BICD1: variants seen among roughly 807,000 people sequenced by gnomAD.
BICD1 encodes BICD cargo adaptor 1.
A neutral mutation model predicts 92.5 loss-of-function variants in BICD1; 35 were observed. The ratio of observed to expected loss-of-function variants is 0.38; its 90% confidence interval spans 0.29 to 0.50. BICD1 has a LOEUF of 0.50. BICD1 is among the 20% of genes least tolerant of loss of function. The pLI, the probability that BICD1 is intolerant of heterozygous loss-of-function variation, is 0.93. For missense variants in BICD1, 950 were observed against 1,189.8 expected (o/e 0.80, Z 2.97); for synonymous variants, 429 against 465.1 (o/e 0.92, Z 1.00).
At chr12:32,365,719 T>C (rs896283822) in intron 8 of BICD1, among the ~76,000 whole-genome samples, 1 of 152,198 alleles carries the variant, frequency 6.6e-6, no homozygotes, top group Non-Finnish European at 1.5e-5. Flanking sequence ...CAAATTAGTC[T>C]AAGACATTCC....
intron 2 of BICD1, among the ~76,000 whole-genome samples, chr12:32,251,991 T>TAC (rs1946535470): frequency 7.6e-6 from 1 of 131,414 alleles, no homozygotes; most frequent in African/African-American, 2.9e-5. Context: ...ATATATATAA[T>TAC]ATATTTATAA....
intron 9 of BICD1, among the ~76,000 whole-genome samples, chr12:32,368,855 C>G (rs1411164547): frequency 6.6e-6 from 1 of 152,042 alleles, no homozygotes; most frequent in African/African-American, 2.4e-5. Context: ...TTTGTGGTTA[C>G]AGTGAGTAAA....
chr12:32,335,295 C>T (rs1221318019), intron 6 of BICD1, among the ~76,000 whole-genome samples: 1 of 152,044 alleles, frequency 6.6e-6, no homozygotes, highest in Non-Finnish European at 1.5e-5. Flanking sequence ...GGAATACAGG[C>T]ACCTGCCACC....
chr12:32,269,809 C>A (rs901302794), intron 2 of BICD1, among the ~76,000 whole-genome samples: 1 of 152,052 alleles, frequency 6.6e-6, no homozygotes, highest in South Asian at 2.1e-4. Flanking sequence ...GGTAATATCT[C>A]GGGTCCCACA....
intron 2 of BICD1, among the ~76,000 whole-genome samples, chr12:32,290,058 ACT>A (rs1208974862): frequency 1.3e-5 from 2 of 152,104 alleles, no homozygotes; most frequent in African/African-American, 4.8e-5. Flanking sequence ...TGATGAAATG[ACT>A]CTGTTGGAGT....
chr12:32,188,852 C>T (rs1284549265), intron 1 of BICD1, among the ~76,000 whole-genome samples: 3 of 152,128 alleles, frequency 2.0e-5, no homozygotes, highest in East Asian at 3.9e-4. Context: ...CTCAGCCTCC[C>T]GAGTAGCTGG....
intron 2 of BICD1, among the ~76,000 whole-genome samples, chr12:32,228,647 C>G (rs147559542): frequency 7.9e-5 from 12 of 152,238 alleles, no homozygotes; most frequent in African/African-American, 2.9e-4. Flanking sequence ...GAAAAGTAGT[C>G]ATATTCTGAA....
At chr12:32,372,925 T>C (rs1384475487) in intron 9 of BICD1, among the ~76,000 whole-genome samples, 1 of 152,236 alleles carries the variant, frequency 6.6e-6, no homozygotes, top group African/African-American at 2.4e-5. Flanking sequence ...TTTTACAGGC[T>C]AATTCCATTG....
At position 32,379,311 on chromosome 12, in the gene BICD1, CTA is replaced by C. The variant is rs1206145321; in HGVS notation, c.*1686_*1687del. On this transcript the variant is annotated 3_prime_UTR_variant, in exon 10 of 10. Transcript: ENST00000652176. The stretch of plus-strand genomic sequence containing the variant: ...GCAGGAGCTTTCGTTAGTCATACGC[CTA>C]TTAAGTAGTGGTCGCTATTACCAAA... The C allele has an allele frequency of 6.6e-6, 1 of 152,094 alleles. No homozygotes were observed. Among genetic ancestry groups the C allele is most frequent in the East Asian group, 1.9e-4 (1 of 5,180 alleles). 9.4% of individuals were successfully genotyped at this position (152,094 alleles called of 1,614,324 possible). A position where few individuals can be genotyped will look rare whatever the true frequency, so the allele number is the denominator to read the frequency against.
chr12:32,283,060 AT>A (rs1030799592), intron 2 of BICD1, among the ~76,000 whole-genome samples: 38 of 152,296 alleles, frequency 2.5e-4, no homozygotes, highest in African/African-American at 8.2e-4. Flanking sequence ...GAAGGTGGGG[AT>A]AGAAGCCATA....
intron 2 of BICD1, among the ~76,000 whole-genome samples, chr12:32,258,831 G>C (rs890906261): frequency 6.6e-6 from 1 of 152,176 alleles, no homozygotes; most frequent in Non-Finnish European, 1.5e-5. Flanking sequence ...GAGGAACCAG[G>C]AGTACGGGAG....
intron 2 of BICD1, among the ~76,000 whole-genome samples, chr12:32,238,257 A>G (rs1401894011): frequency 6.6e-6 from 1 of 152,046 alleles, no homozygotes; most frequent in African/African-American, 2.4e-5. Context: ...TTTTTTTAAG[A>G]CTTCAGTAGA....
At chr12:32,295,400 C>A (rs887797490) in intron 3 of BICD1, among the ~76,000 whole-genome samples, 1 of 152,144 alleles carries the variant, frequency 6.6e-6, no homozygotes, top group African/African-American at 2.4e-5. Context: ...TGCCACCTCT[C>A]AGTTCAGATC....
rs564973322 is a variant in BICD1 at position 32,211,699 on chromosome 12, G to C, written c.214-4548G>C. Among the ~76,000 whole-genome samples the C allele has an allele frequency of 4.9e-4, 59 of 120,122 alleles. No homozygotes were observed. In the East Asian group the frequency reaches 5.8e-3, roughly 12 times the overall value. The allele number at this position is 120,122 out of a possible 152,430, so 78.8% of individuals were successfully genotyped here. A position where few individuals can be genotyped will look rare whatever the true frequency, so the allele number is the denominator to read the frequency against. On this transcript the variant is annotated intron_variant, in intron 1 of 9. Coordinates refer to ENST00000652176, the MANE Select transcript of BICD1 (RefSeq NM_001714.4). ...TCCTGTACATAGAAATGGGGAAACA[G>C]TTGTGAAAAAAAAAAAAAAGCCAGC...
At chr12:32,223,704 G>A (rs1360565693) in intron 2 of BICD1, among the ~76,000 whole-genome samples, 19 of 152,034 alleles carry the variant, frequency 1.2e-4, no homozygotes, top group Admixed American at 1.2e-3. Context: ...TTCACAATTT[G>A]GCTAACTTAG....
chr12:32,317,558 GT>G (rs1304615724), intron 4 of BICD1, among the ~76,000 whole-genome samples: 1 of 152,166 alleles, frequency 6.6e-6, no homozygotes, highest in African/African-American at 2.4e-5. Flanking sequence ...GGGGTTGTTT[GT>G]TTTTTTCTTG....
chr12:32,180,099 A>G (rs1944229641), intron 1 of BICD1, among the ~76,000 whole-genome samples: 1 of 151,620 alleles, frequency 6.6e-6, no homozygotes, highest in African/African-American at 2.4e-5. Context: ...CTGAGCTCAG[A>G]CTTGAATTTC....
chr12:32,215,579 T>C (rs1945331242), intron 1 of BICD1, among the ~76,000 whole-genome samples: 1 of 152,110 alleles, frequency 6.6e-6, no homozygotes, highest in Admixed American at 6.6e-5. Flanking sequence ...TGTGAGATTT[T>C]TTAAAAAATG....
chr12:32,282,536 C>G (rs1024272175), intron 2 of BICD1, among the ~76,000 whole-genome samples: 1 of 152,002 alleles, frequency 6.6e-6, no homozygotes, highest in Non-Finnish European at 1.5e-5. Flanking sequence ...GAGGTCAGGG[C>G]AAGTCGCATA....
Sources: gnomAD v4.1 joint callset for allele counts (sites outside exome capture counted in the v4.1 genomes callset) on GRCh38, gnomAD v4.1.1 for gene constraint, MANE v1.5 for transcripts, NCBI Gene and HGNC (gene_info 2026-07-23, HGNC 2026-07-21) for gene names.